Variants in P2RY8 observed in about 807,000 individuals in gnomAD.
The protein encoded by P2RY8 is P2Y receptor family member 8, also known as S-geranylgeranyl-glutathione receptor P2RY8.
A neutral mutation model predicts 10.0 loss-of-function variants in P2RY8; 6 were observed. The observed-to-expected ratio is 0.60, with a 90% CI of 0.33 to 1.19. P2RY8 has a LOEUF of 1.19. Among genes scored for constraint, P2RY8 ranks in the 50% most tolerant of loss-of-function variants. The pLI is 0.04. For missense variants in P2RY8, 456 were observed against 542.0 expected (o/e 0.84, Z 1.58); for synonymous variants, 276 against 252.5 (o/e 1.09, Z -0.88).
intron 1 of P2RY8, among the ~76,000 whole-genome samples, chrX:1,467,041 A>C (rs2091694411): frequency 6.6e-6 from 1 of 151,528 alleles, no homozygotes; most frequent in African/African-American, 2.4e-5. Context: ...CTCAAGACTC[A>C]GTGTCCCCCG....
intron 1 of P2RY8, among the ~76,000 whole-genome samples, chrX:1,509,819 A>ATGTATCCATCCAT: frequency 3.4e-5 from 5 of 148,940 alleles, no homozygotes; most frequent in South Asian, 4.3e-4. Flanking sequence ...CTATCTATCT[A>ATGTATCCATCCAT]TCTATCTATC....
intron 1 of P2RY8, among the ~76,000 whole-genome samples, chrX:1,487,893 G>A (rs1345576077): frequency 7.9e-5 from 12 of 152,182 alleles, no homozygotes; most frequent in East Asian, 1.9e-4. Context: ...GGTGGATCAC[G>A]AGGTCAGGAG....
chrX:1,506,488 T>C (rs2092234580), intron 1 of P2RY8, among the ~76,000 whole-genome samples: 1 of 152,038 alleles, frequency 6.6e-6, no homozygotes, highest in African/African-American at 2.4e-5. Context: ...AGAAAATGCT[T>C]CCTTTTCAGC....
At chrX:1,481,191 C>T (rs1382095594) in intron 1 of P2RY8, among the ~76,000 whole-genome samples, 13 of 150,636 alleles carry the variant, frequency 8.6e-5, no homozygotes, top group South Asian at 2.1e-4. Context: ...TTTCTTGAGG[C>T]TGAGTCTTGC....
At chrX:1,529,969 C>T (rs1428106763) in intron 1 of P2RY8, among the ~76,000 whole-genome samples, 1 of 151,986 alleles carries the variant, frequency 6.6e-6, no homozygotes, top group Non-Finnish European at 1.5e-5. Flanking sequence ...CAATACCTTA[C>T]ACTGCACAGG....
intron 1 of P2RY8, among the ~76,000 whole-genome samples, chrX:1,475,872 T>C (rs1244652090): frequency 6.6e-6 from 1 of 152,110 alleles, no homozygotes; most frequent in Admixed American, 6.6e-5. Context: ...GTGGAGCATA[T>C]AGATTATGAT....
chrX:1,513,738 T>C (rs1347202266), intron 1 of P2RY8, among the ~76,000 whole-genome samples: 1 of 145,064 alleles, frequency 6.9e-6, no homozygotes, highest in Non-Finnish European at 1.5e-5. Flanking sequence ...TTGTATCCAG[T>C]TCCTTCTGGG....
intron 1 of P2RY8, among the ~76,000 whole-genome samples, chrX:1,516,029 AAAAAAAAAATACT>A (rs2149406659): frequency 6.6e-6 from 1 of 150,712 alleles, no homozygotes; most frequent in South Asian, 2.1e-4. Flanking sequence ...CTAAAAAAAA[AAAAAAAAAATACT>A]AAAAATTAGC....
chrX:1,481,873 A>T (rs1442215139), intron 1 of P2RY8, among the ~76,000 whole-genome samples: 7 of 152,138 alleles, frequency 4.6e-5, no homozygotes, highest in African/African-American at 1.7e-4. Context: ...CTAGCTAAGC[A>T]CAAAAACGCG....
At chrX:1,466,680 G>A (rs1480212177) in intron 1 of P2RY8, 98 bp from the exon 2 acceptor site, 2 of 1,201,230 alleles carry the variant, frequency 1.7e-6, no homozygotes, top group African/African-American at 1.5e-5. Flanking sequence ...GGACCAAGGC[G>A]GGGGAGATGC....
chrX:1,466,945 G>A (rs185706533), intron 1 of P2RY8, among the ~76,000 whole-genome samples: 2 of 107,498 alleles, frequency 1.9e-5, no homozygotes, highest in African/African-American at 3.6e-5. Context: ...TGGAGACCTC[G>A]GCCCACGTCA....
chrX:1,511,385 T>C (rs1172838142), intron 1 of P2RY8, among the ~76,000 whole-genome samples: 1 of 152,204 alleles, frequency 6.6e-6, no homozygotes, highest in East Asian at 1.9e-4. Flanking sequence ...TGCTTGGTCA[T>C]CTCATTCAAC....
intron 1 of P2RY8, among the ~76,000 whole-genome samples, chrX:1,512,502 ATGC>A (rs2149404172): frequency 7.2e-6 from 1 of 139,798 alleles, no homozygotes; most frequent in South Asian, 2.3e-4. Flanking sequence ...GGCTGAGATC[ATGC>A]CATTGCACTC....
At chrX:1,467,406 C>T (rs1439598358) in intron 1 of P2RY8, among the ~76,000 whole-genome samples, 1 of 152,168 alleles carries the variant, frequency 6.6e-6, no homozygotes, top group Non-Finnish European at 1.5e-5. Context: ...ACCCGCCGGT[C>T]CGTGCCCAGG....
rs191583085 is a variant in P2RY8 at position 1,523,933 on chromosome X, C to T, written c.-25+12988G>A. On this transcript the variant is annotated intron_variant, in intron 1 of 1. Coordinates refer to ENST00000381297, the MANE Select transcript of P2RY8 (RefSeq NM_178129.5). ...CTGGAACTCCTGACCTCAAGTGACC[C>T]ACCTGCCTTGGCCTCCCAAAGAGCT... Among the ~76,000 whole-genome samples the T allele has an allele frequency of 5.9e-5, 9 of 152,282 alleles. No individual in the cohort carries two copies. The East Asian group carries it at 1.7e-3, about 29-fold the overall frequency.
chrX:1,509,107 C>A (rs56651304), intron 1 of P2RY8, among the ~76,000 whole-genome samples: 1 of 120,392 alleles, frequency 8.3e-6, no homozygotes, highest in Non-Finnish European at 1.8e-5. Flanking sequence ...ATGTATCTAT[C>A]TATCTATCTA....
chrX:1,496,502 C>A (rs2092118121), intron 1 of P2RY8, among the ~76,000 whole-genome samples: 1 of 152,044 alleles, frequency 6.6e-6, no homozygotes, highest in Non-Finnish European at 1.5e-5. Context: ...TCACAGGAAG[C>A]AACTTGTCTG....
At chrX:1,512,055 A>C (rs2092301234) in intron 1 of P2RY8, among the ~76,000 whole-genome samples, 2 of 151,914 alleles carry the variant, frequency 1.3e-5, no homozygotes, top group African/African-American at 4.8e-5. Context: ...AGCAAAGAGA[A>C]GAGGCTCCCA....
chrX:1,469,917 C>T (rs1182859676), intron 1 of P2RY8, among the ~76,000 whole-genome samples: 1 of 151,874 alleles, frequency 6.6e-6, no homozygotes, highest in Non-Finnish European at 1.5e-5. Context: ...CAAAACAAAA[C>T]CAACAAACAA....
Sources: allele counts gnomAD v4.1 joint callset (sites outside exome capture counted in the v4.1 genomes callset), GRCh38; gene constraint gnomAD v4.1.1; transcripts MANE v1.5; gene names NCBI Gene and HGNC (gene_info 2026-07-23, HGNC 2026-07-21).